CCSER2: variants seen among roughly 807,000 people sequenced by gnomAD.
The protein encoded by CCSER2 is serine-rich coiled-coil domain-containing protein 2.
CCSER2 carries 46 observed loss-of-function variants against 92.3 expected under a neutral mutation model. The ratio of observed to expected loss-of-function variants is 0.50; its 90% confidence interval spans 0.39 to 0.64. The LOEUF (loss-of-function observed/expected upper bound fraction) is 0.64. Ranked by LOEUF, CCSER2 falls within the 30% of genes least tolerant of loss-of-function variation. The probability of loss-of-function intolerance (pLI) is 0.00; values close to 1 mark genes in which losing one functional copy is unlikely to be tolerated. For missense variants in CCSER2, 1,244 were observed against 1,238.9 expected, an observed-to-expected ratio of 1.00 and a Z score of -0.06; for synonymous variants, 433 against 431.4, an observed-to-expected ratio of 1.00 and a Z score of -0.04.
At chr10:84,357,773 T>A (rs985833239) in intron 1 of CCSER2, among the ~76,000 whole-genome samples, 7 of 152,188 alleles carry the variant, frequency 4.6e-5, no homozygotes, top group African/African-American at 1.7e-4. Flanking sequence ...TTTAAATGTC[T>A]AGTCTTTGCT....
At chr10:84,490,162 T>C (rs1848069056) in intron 9 of CCSER2, among the ~76,000 whole-genome samples, 1 of 152,224 alleles carries the variant, frequency 6.6e-6, no homozygotes, top group Admixed American at 6.5e-5. Flanking sequence ...TCTCTCTGGC[T>C]GCCCTTAACA....
At chr10:84,508,482 G>A (rs1172657468) in intron 9 of CCSER2, among the ~76,000 whole-genome samples, 1 of 152,148 alleles carries the variant, frequency 6.6e-6, no homozygotes, top group African/African-American at 2.4e-5. Flanking sequence ...TCTCACCTCA[G>A]TGATAGATCT....
At chr10:84,353,924 A>T (rs1283046398) in intron 1 of CCSER2, among the ~76,000 whole-genome samples, 2 of 152,032 alleles carry the variant, frequency 1.3e-5, no homozygotes, top group African/African-American at 2.4e-5. Flanking sequence ...CAGGCCAGGC[A>T]TGGTGGCTCA....
intron 1 of CCSER2, among the ~76,000 whole-genome samples, chr10:84,345,074 T>A (rs908946912): frequency 2.6e-5 from 4 of 152,174 alleles, no homozygotes; most frequent in Non-Finnish European, 5.9e-5. Context: ...AAGAGTGATA[T>A]GATCGGAATT....
At chr10:84,347,753 G>A (rs1196150315) in intron 1 of CCSER2, among the ~76,000 whole-genome samples, 7 of 151,204 alleles carry the variant, frequency 4.6e-5, no homozygotes, top group Non-Finnish European at 8.9e-5. Context: ...GGCGGCTGCC[G>A]GGCGGAGGGG....
intron 9 of CCSER2, among the ~76,000 whole-genome samples, chr10:84,512,623 G>A (rs1849423567): frequency 6.6e-6 from 1 of 152,150 alleles, no homozygotes; most frequent in Non-Finnish European, 1.5e-5. Context: ...AAGTACATGT[G>A]AGGCACACAG....
Position 84,347,902 on chromosome 10 carries a change from G to A in CCSER2, c.-40+19094G>A, listed in dbSNP as rs981473137. 5.9e-5 allele frequency among the ~76,000 whole-genome samples: 9 copies of A among 152,076 alleles called. No homozygotes were observed. The South Asian group carries it at 1.0e-3, about 18-fold the overall frequency. On this transcript the variant is annotated intron_variant, in intron 1 of 9. Transcript: ENST00000372088. ...CCCACATCTCAGATGATGGGTGGCCGGGCAGAGACGCTCCTCACTTCCTAG... is the reference window on the plus strand; with the variant it reads ...CCCACATCTCAGATGATGGGTGGCCAGGCAGAGACGCTCCTCACTTCCTAG...
At chr10:84,412,591 G>C (rs1289117886) in intron 3 of CCSER2, among the ~76,000 whole-genome samples, 4 of 152,160 alleles carry the variant, frequency 2.6e-5, no homozygotes, top group Non-Finnish European at 5.9e-5. Context: ...GGAATCAAAG[G>C]AATGAGAAAA....
At chr10:84,419,017 T>C (rs1171621445) in intron 4 of CCSER2, among the ~76,000 whole-genome samples, 1 of 93,444 alleles carries the variant, frequency 1.1e-5, no homozygotes, top group Non-Finnish European at 2.4e-5. Flanking sequence ...AACTAGCACA[T>C]TTTTTTTTTA....
At chr10:84,379,786 G>GT (rs996126941) in intron 3 of CCSER2, among the ~76,000 whole-genome samples, 54 of 151,904 alleles carry the variant, frequency 3.6e-4, no homozygotes, top group Middle Eastern at 3.2e-3. Context: ...TCAATTTTAT[G>GT]TTTTTTGTGT....
At chr10:84,338,486 A>AG (rs749886533) in intron 1 of CCSER2, among the ~76,000 whole-genome samples, 7 of 152,118 alleles carry the variant, frequency 4.6e-5, no homozygotes, top group Non-Finnish European at 8.8e-5. Context: ...GTTTCAACAG[A>AG]GAAAAAAAAT....
intron 1 of CCSER2, among the ~76,000 whole-genome samples, chr10:84,358,299 C>CAGATAGTAGTA (rs1167644093): frequency 2.0e-5 from 3 of 152,100 alleles, no homozygotes; most frequent in Admixed American, 2.0e-4. Context: ...TACCCATTTT[C>CAGATAGTAGTA]AGATAGTAGT....
intron 6 of CCSER2, among the ~76,000 whole-genome samples, chr10:84,457,450 TTATAAA>T (rs1229113780): frequency 2.1e-3 from 227 of 106,882 alleles, no homozygotes; most frequent in Middle Eastern, 9.5e-3. Context: ...TAAATACATA[TTATAAA>T]ATATATAATA....
chr10:84,364,736 A>ATTT lies in CCSER2; in HGVS notation c.-39-6271_-39-6269dup, dbSNP rs754215030. 1.3e-3 allele frequency among the ~76,000 whole-genome samples: 146 copies of ATTT among 114,572 alleles called. 1 individual carries two copies. The highest frequency in any genetic ancestry group is 2.3e-3 in the Non-Finnish European group (116 of 50,826). The allele number at this position is 114,572 out of a possible 152,430, so 75.2% of individuals were successfully genotyped here. On this transcript the variant is annotated intron_variant, in intron 1 of 9. Transcript: ENST00000372088. Reference sequence around the variant, plus strand: ...AAAAGGCATTTATAAGTATTTTTGAATTTTTTTTTGTTTTTTTTTTTTTGA... The same window carrying ATTT: ...AAAAGGCATTTATAAGTATTTTTGAATTTTTTTTTTTTGTTTTTTTTTTTTTGA...
At chr10:84,499,144 A>AT (rs929495160) in intron 9 of CCSER2, among the ~76,000 whole-genome samples, 108 of 151,038 alleles carry the variant, frequency 7.2e-4, no homozygotes, top group Non-Finnish European at 2.7e-4. Flanking sequence ...AAGAAATTTT[A>AT]TTTTTTTTTG....
At chr10:84,479,731 CTT>C (rs572443534) in intron 9 of CCSER2, among the ~76,000 whole-genome samples, 99 of 152,302 alleles carry the variant, frequency 6.5e-4, no homozygotes, top group African/African-American at 2.2e-3. Context: ...TAAGCTCACT[CTT>C]TTTCTGCATG....
intron 6 of CCSER2, among the ~76,000 whole-genome samples, chr10:84,447,237 T>C (rs1021963713): frequency 2.0e-5 from 3 of 152,252 alleles, no homozygotes; most frequent in African/African-American, 7.2e-5. Flanking sequence ...TTTTTCATTG[T>C]TTCACATGTG....
chr10:84,452,338 A>G (rs1234189816), intron 6 of CCSER2: 2 of 152,198 alleles, frequency 1.3e-5, no homozygotes, highest in Non-Finnish European at 2.9e-5. Flanking sequence ...GTTTTCAGCA[A>G]GTTAACATGT....
intron 3 of CCSER2, 66 bp downstream of exon 3, chr10:84,373,881 G>T: frequency 6.3e-7 from 1 of 1,587,624 alleles, no homozygotes; most frequent in South Asian, 1.1e-5. Flanking sequence ...CTTGTGATAT[G>T]ATTGATTTTG....
Sources: allele counts gnomAD v4.1 joint callset (sites outside exome capture counted in the v4.1 genomes callset), GRCh38; gene constraint gnomAD v4.1.1; transcripts MANE v1.5; gene names NCBI Gene and HGNC (gene_info 2026-07-23, HGNC 2026-07-21).